CACNA1D: variants seen among roughly 807,000 people sequenced by gnomAD.
The protein encoded by CACNA1D is voltage-dependent L-type calcium channel subunit alpha-1D.
CACNA1D carries 55 observed loss-of-function variants against 257.1 expected under a neutral mutation model. That is an observed-to-expected ratio of 0.21 (90% CI 0.17 to 0.27). The LOEUF is 0.27. Ranked by LOEUF, CACNA1D falls within the 10% of genes least tolerant of loss-of-function variation. The probability of loss-of-function intolerance (pLI) is 1.00; values close to 1 mark genes in which losing one functional copy is unlikely to be tolerated. For synonymous variants in CACNA1D, 980 were observed against 1,014.9 expected (o/e 0.97, Z 0.65); for missense variants, 1,876 against 2,784.0 (o/e 0.67, Z 7.34).
At chr3:53,808,339 G>A (rs973423226) in intron 45 of CACNA1D, 5 of 344,138 alleles carry the variant, frequency 1.5e-5, no homozygotes, top group South Asian at 7.5e-5. Context: ...GCGTGAACCC[G>A]GGAGGTGGAG....
intron 21 of CACNA1D, among the ~76,000 whole-genome samples, chr3:53,742,161 A>G (rs2095124398): frequency 6.6e-6 from 1 of 152,198 alleles, no homozygotes; most frequent in African/African-American, 2.4e-5. Flanking sequence ...CCATTTTTGT[A>G]GGTCAAAAAG....
chr3:53,704,216 CT>C, intron 9 of CACNA1D, among the ~76,000 whole-genome samples: 1 of 152,116 alleles, frequency 6.6e-6, no homozygotes, highest in East Asian at 1.9e-4. Context: ...GGCTTCTTGA[CT>C]GAGAGGGCCC....
At chr3:53,786,485 G>A (rs930973494) in intron 39 of CACNA1D, 1 of 308,494 alleles carries the variant, frequency 3.2e-6, no homozygotes, top group East Asian at 7.8e-5. Context: ...GCCTCTTTTT[G>A]TTTTGTAATT....
At chr3:53,726,605 C>T (rs1243263239) in intron 14 of CACNA1D, among the ~76,000 whole-genome samples, 3 of 152,164 alleles carry the variant, frequency 2.0e-5, no homozygotes, top group African/African-American at 4.8e-5. Flanking sequence ...CCACTGCACT[C>T]CAGCCTGGCA....
At chr3:53,711,303 T>C (rs1576427502) in intron 9 of CACNA1D, among the ~76,000 whole-genome samples, 1 of 152,328 alleles carries the variant, frequency 6.6e-6, no homozygotes, top group Admixed American at 6.5e-5. Flanking sequence ...TTGGGGGCAC[T>C]TGCCTTTGAA....
chr3:53,791,387 C>T (rs1286748114), intron 40 of CACNA1D: 1 of 204,070 alleles, frequency 4.9e-6, no homozygotes, highest in Non-Finnish European at 9.7e-6. Context: ...ACACAACTTC[C>T]TGATGCTGGC....
chr3:53,731,015 A>G, intron 16 of CACNA1D, 62 bp from the exon 17 acceptor site: 1 of 1,000,668 alleles, frequency 1.0e-6, no homozygotes, highest in Non-Finnish European at 1.6e-6. Flanking sequence ...AATCCTGATT[A>G]GCATTTTTAT....
At chr3:53,705,726 C>T (rs2094681381) in intron 9 of CACNA1D, among the ~76,000 whole-genome samples, 2 of 152,190 alleles carry the variant, frequency 1.3e-5, no homozygotes, top group African/African-American at 4.8e-5. Flanking sequence ...ATTTAGCTGA[C>T]TTGAGAGCAC....
chr3:53,763,791 A>G (rs139683397), intron 30 of CACNA1D, among the ~76,000 whole-genome samples: 230 of 152,310 alleles, frequency 1.5e-3, no homozygotes, highest in South Asian at 3.5e-3. Flanking sequence ...GGCAGTCCTA[A>G]GACCTGGCAG....
chr3:53,692,956 G>A (rs546868019), intron 8 of CACNA1D, among the ~76,000 whole-genome samples: 1 of 152,298 alleles, frequency 6.6e-6, no homozygotes, highest in South Asian at 2.1e-4. Context: ...TGCTTGGGAG[G>A]CTGAGGCACA....
chr3:53,620,352 G>A (rs149099058), intron 3 of CACNA1D, among the ~76,000 whole-genome samples: 93 of 152,302 alleles, frequency 6.1e-4, no homozygotes, highest in African/African-American at 2.1e-3. Context: ...GTGCAGTGGT[G>A]TGATCATAGC....
Position 53,673,479 on chromosome 3 carries a change from C to T in CACNA1D, c.1220+353C>T, listed in dbSNP as rs751913361. Among the ~76,000 whole-genome samples the T allele has an allele frequency of 1.3e-5, 2 of 150,538 alleles. No homozygotes were observed. The highest frequency in any genetic ancestry group is 2.9e-5 in the Non-Finnish European group (2 of 67,866). Reference sequence around the variant, plus strand: ...ATAATGCAGATTAATTGTTATAAAACGATAGCAAAATGAGCTGGATTGGGT... The same window carrying T: ...ATAATGCAGATTAATTGTTATAAAATGATAGCAAAATGAGCTGGATTGGGT... On this transcript the variant is annotated intron_variant, in intron 8 of 47. Transcript: ENST00000350061. This position sits in a 1 kb window ranked among gnomAD's most constrained non-coding sequence, Gnocchi z 4.1.
At position 53,780,123 on chromosome 3, in the gene CACNA1D, C is replaced by T. The variant is rs199780299; in HGVS notation, c.4685C>T (p.Thr1562Ile). 2.3e-5 allele frequency: 37 copies of T among 1,610,912 alleles called. No homozygotes were observed. Among genetic ancestry groups the T allele is most frequent in the Non-Finnish European group, 3.0e-5 (35 of 1,177,198 alleles). ...GTTCGAACGGCTCTTAAGATCAAGA[C>T]CGAAGGTGAGCATTCCCTGCCAGCA... ...ALVRTALKIK[T>I]EGNLEQANEE... Residue 1562 changes from threonine to isoleucine, a missense_variant, in exon 38 of 48, where the codon ACC (threonine) becomes ATC (isoleucine). This residue lies in a region of CACNA1D where 160 missense variants were observed against 236.6 expected (regional missense o/e 0.68). Transcript: ENST00000350061.
Position 53,696,841 on chromosome 3 carries a change from G to A in CACNA1D, c.1221-5800G>A, listed in dbSNP as rs186738294. On this transcript the variant is annotated intron_variant, in intron 8 of 47. Transcript: ENST00000350061. ...ACTTGGGAGAAGGCTGGAAGGCCTT[G>A]AGTGGCAGGCAGAAGCATCTGACCT... Among the ~76,000 whole-genome samples the A allele has an allele frequency of 1.2e-3, 182 of 152,310 alleles. 2 individuals are homozygous for A. The highest frequency in any genetic ancestry group is 1.6e-3 in the Admixed American group (25 of 15,310).
Position 53,801,395 on chromosome 3 carries a change from G to A in CACNA1D, c.5378G>A (p.Arg1793Gln), listed in dbSNP as rs143003364. The A allele has an allele frequency of 2.2e-4, 358 of 1,614,114 alleles. No individual in the cohort carries two copies. In the African/African-American group the frequency reaches 3.4e-3, roughly 15 times the overall value. The change falls in exon 42 of 48, where the codon CGG (arginine) becomes CAG (glutamine). Residue 1793 changes from arginine to glutamine, a missense_variant. Arg to Gln is a conservative substitution (Grantham distance 43). Around this residue, in one of 10 missense-constraint regions of CACNA1D, gnomAD observed 491 missense variants for 554.3 expected, o/e 0.89. Transcript: ENST00000350061. The part of the protein sequence containing the change: ...NGHHSSHKHD[R>Q]EPQRRSSVKR... Reference sequence around the variant, plus strand: ...CATCATTCTTCCCACAAGCATGACCGGGAGCCTCAGAGAAGGTCCAGTGTG... The same window carrying A: ...CATCATTCTTCCCACAAGCATGACCAGGAGCCTCAGAGAAGGTCCAGTGTG...
intron 3 of CACNA1D, among the ~76,000 whole-genome samples, chr3:53,598,560 G>T (rs2093400849): frequency 6.6e-6 from 1 of 151,160 alleles, no homozygotes; most frequent in Non-Finnish European, 1.5e-5. Flanking sequence ...ACTCCAACCT[G>T]GGCAACAGAG....
chr3:53,662,745 A>T (rs2094217206), intron 5 of CACNA1D, among the ~76,000 whole-genome samples: 1 of 152,226 alleles, frequency 6.6e-6, no homozygotes, highest in Non-Finnish European at 1.5e-5. Context: ...GGAATGCAAT[A>T]AAGTATACAT....
At chr3:53,749,220 G>A (rs1467731397) in intron 26 of CACNA1D, 48 bp from the exon 27 acceptor site, 2 of 1,399,972 alleles carry the variant, frequency 1.4e-6, no homozygotes, top group South Asian at 2.3e-5. Flanking sequence ...GCTGGGCCGT[G>A]TGGGCTGGGG....
chr3:53,780,283 G>A (rs2095419052), intron 38 of CACNA1D, among the ~76,000 whole-genome samples, 155 bp downstream of exon 38: 1 of 152,232 alleles, frequency 6.6e-6, no homozygotes, highest in African/African-American at 2.4e-5. Context: ...GGGCTTGCCG[G>A]CTGGCCCCTG....
Sources: gnomAD v4.1 joint callset for allele counts (sites outside exome capture counted in the v4.1 genomes callset) on GRCh38, gnomAD v4.1.1 for gene constraint, gnomAD v4.1.1 regional missense constraint, Gnocchi (gnomAD v3.1) non-coding constraint, MANE v1.5 for transcripts, NCBI Gene and HGNC (gene_info 2026-07-23, HGNC 2026-07-21) for gene names.